The following RSBN1L variants were observed in gnomAD, a reference collection of about 807,000 sequenced individuals.
RSBN1L encodes lysine-specific demethylase RSBN1L.
RSBN1L carries 30 observed loss-of-function variants against 67.7 expected under a neutral mutation model. The ratio of observed to expected loss-of-function variants is 0.44; its 90% confidence interval spans 0.33 to 0.60. The LOEUF (loss-of-function observed/expected upper bound fraction) is 0.60. RSBN1L is among the 20% of genes least tolerant of loss of function. The pLI, the probability that RSBN1L is intolerant of heterozygous loss-of-function variation, is 0.02. For missense variants in RSBN1L, 992 were observed against 1,031.7 expected, an observed-to-expected ratio of 0.96 and a Z score of 0.53; for synonymous variants, 433 against 387.0, an observed-to-expected ratio of 1.12 and a Z score of -1.39.
Position 77,696,875 on chromosome 7 carries a change from C to A in RSBN1L, c.406C>A (p.His136Asn). The A allele has an allele frequency of 6.2e-7, 1 of 1,610,260 alleles. No individual in the cohort carries two copies. Among genetic ancestry groups the A allele is most frequent in the South Asian group, 1.1e-5 (1 of 91,064 alleles). The part of the protein sequence containing the change: ...RKLLVPPTLL[H>N]AQPHHLLLPA... The stretch of plus-strand genomic sequence containing the variant: ...ACTGCTGGTCCCTCCTACGCTGCTG[C>A]ACGCTCAGCCTCACCATCTCCTCCT... Residue 136 changes from histidine (H) to asparagine (N), a missense_variant, in exon 1 of 8, where the codon CAC becomes AAC. Physicochemically the swap from His to Asn is moderately conservative, Grantham distance 68. Around this residue, in one of 7 missense-constraint regions of RSBN1L, gnomAD observed 575 missense variants for 483.2 expected, o/e 1.19. Coordinates refer to ENST00000334955, the MANE Select transcript of RSBN1L (RefSeq NM_198467.3).
chr7:77,705,576 A>G (rs1470257212), intron 1 of RSBN1L, among the ~76,000 whole-genome samples: 1 of 138,010 alleles, frequency 7.2e-6, no homozygotes, highest in Non-Finnish European at 1.5e-5. Flanking sequence ...CAGTGGCTCA[A>G]TCTCGGCTCA....
intron 2 of RSBN1L, among the ~76,000 whole-genome samples, chr7:77,741,377 T>C (rs1791408325): frequency 6.6e-6 from 1 of 152,014 alleles, no homozygotes; most frequent in Non-Finnish European, 1.5e-5. Context: ...GTCAGGATCC[T>C]TTATTGGGTT....
chr7:77,714,171 G>T (rs902114619), intron 1 of RSBN1L, among the ~76,000 whole-genome samples: 2 of 152,110 alleles, frequency 1.3e-5, no homozygotes, highest in African/African-American at 4.8e-5. Flanking sequence ...GATATCTATA[G>T]GGCAAAAATC....
At position 77,779,185 on chromosome 7, in the gene RSBN1L, T is replaced by C; in HGVS notation, c.*17T>C. 4 of 1,528,586 alleles carry C rather than the reference T, an allele frequency of 2.6e-6. No homozygotes were observed. Among genetic ancestry groups the C allele is most frequent in the South Asian group, 2.5e-5 (2 of 78,870 alleles). The allele number at this position is 1,528,586 out of a possible 1,614,324, so 94.7% of individuals were successfully genotyped here. On this transcript the variant is annotated 3_prime_UTR_variant, in exon 8 of 8. Coordinates refer to ENST00000334955, the MANE Select transcript of RSBN1L (RefSeq NM_198467.3). ...TTGTGCTAAATTTGCATATACCATC[T>C]AAAATCCTTTTTTAAAAAAATTTAA...
Position 77,779,262 on chromosome 7 carries a change from T to C in RSBN1L, c.*94T>C. On this transcript the variant is annotated 3_prime_UTR_variant, in exon 8 of 8. Transcript: ENST00000334955. ...AGCAAGCCAAGGACTTGCTCCTATG[T>C]CTGTTACAAAACATAGTTTATGTAG... is the stretch of plus-strand genomic sequence containing the variant. 1.2e-6 allele frequency: 1 copy of C among 857,672 alleles called. No homozygotes were observed. The allele number at this position is 857,672 out of a possible 1,614,324, so 53.1% of individuals were successfully genotyped here.
chr7:77,698,162 A>G (rs1376346789), intron 1 of RSBN1L, among the ~76,000 whole-genome samples: 2 of 152,250 alleles, frequency 1.3e-5, no homozygotes, highest in Non-Finnish European at 2.9e-5. Context: ...CTGCATGTGC[A>G]TGTAGCAATA....
At chr7:77,767,514 C>T (rs866208044) in intron 4 of RSBN1L, among the ~76,000 whole-genome samples, 6 of 151,848 alleles carry the variant, frequency 4.0e-5, no homozygotes, top group Middle Eastern at 3.4e-3. Context: ...GCTGGGATTA[C>T]AGACACACAC....
At chr7:77,724,749 G>A (rs1366677654) in intron 1 of RSBN1L, among the ~76,000 whole-genome samples, 1 of 151,864 alleles carries the variant, frequency 6.6e-6, no homozygotes. Flanking sequence ...TATTGTAGAA[G>A]TTTCAAATAA....
chr7:77,774,955 A>T (rs1009498504), intron 6 of RSBN1L, among the ~76,000 whole-genome samples: 2 of 151,964 alleles, frequency 1.3e-5, no homozygotes, highest in African/African-American at 4.8e-5. Context: ...TTGACCACCC[A>T]TCTTCAAGCA....
At chr7:77,700,937 G>A (rs574981698) in intron 1 of RSBN1L, among the ~76,000 whole-genome samples, 1 of 151,848 alleles carries the variant, frequency 6.6e-6, no homozygotes, top group South Asian at 2.1e-4. Flanking sequence ...CTGGCGAATC[G>A]CCTGAGCTCA....
rs1791413756 is a variant in RSBN1L, at chr7:77,741,758, A to T, written c.703+5232A>T. Among the ~76,000 whole-genome samples the T allele has an allele frequency of 2.0e-5, 3 of 152,030 alleles. No individual in the cohort carries two copies. The South Asian group carries it at 6.2e-4, about 32-fold the overall frequency. On this transcript the variant is annotated intron_variant, in intron 2 of 7. Transcript: ENST00000334955. ...GTGGACTTTAAATACTCTTTAGTGTAGGAGAAGCAAATTGGTATTTAAAAT... is the reference window on the plus strand; with the variant it reads ...GTGGACTTTAAATACTCTTTAGTGTTGGAGAAGCAAATTGGTATTTAAAAT...
At position 77,781,254 on chromosome 7, in the gene RSBN1L, G is replaced by C. The variant is rs1161072417; in HGVS notation, c.*2086G>C. On this transcript the variant is annotated 3_prime_UTR_variant, in exon 8 of 8. Coordinates refer to ENST00000334955, the MANE Select transcript of RSBN1L (RefSeq NM_198467.3). Reference sequence around the variant, plus strand: ...TAGGAAGTTTCATGGGATAGGGAAGGTATAAATCAAGATAGTAAGGGTTTT... The same window carrying C: ...TAGGAAGTTTCATGGGATAGGGAAGCTATAAATCAAGATAGTAAGGGTTTT... 1 of 152,178 alleles carries C rather than the reference G, an allele frequency of 6.6e-6. No individual in the cohort carries two copies. The highest frequency in any genetic ancestry group is 1.9e-4 in the East Asian group (1 of 5,200). The allele number at this position is 152,178 out of a possible 1,614,324, so 9.4% of individuals were successfully genotyped here. A position where few individuals can be genotyped will look rare whatever the true frequency, so the allele number is the denominator to read the frequency against.
intron 2 of RSBN1L, among the ~76,000 whole-genome samples, chr7:77,745,999 G>A (rs1791479027): frequency 6.6e-6 from 1 of 152,150 alleles, no homozygotes; most frequent in African/African-American, 2.4e-5. Context: ...TGAGCAATGG[G>A]GAATGGCTGT....
intron 1 of RSBN1L, among the ~76,000 whole-genome samples, chr7:77,724,492 C>T (rs1791167717): frequency 6.7e-6 from 1 of 148,160 alleles, no homozygotes; most frequent in Non-Finnish European, 1.5e-5. Flanking sequence ...CTGGTGCGCT[C>T]TTGGTTCACT....
chr7:77,758,221 C>T (rs913195251), intron 3 of RSBN1L, among the ~76,000 whole-genome samples: 1 of 151,914 alleles, frequency 6.6e-6, no homozygotes, highest in Admixed American at 6.5e-5. Flanking sequence ...TGCAGTGGTG[C>T]GATCTCGGCT....
chr7:77,767,473 A>G (rs1791784485), intron 4 of RSBN1L, among the ~76,000 whole-genome samples: 1 of 151,544 alleles, frequency 6.6e-6, no homozygotes, highest in South Asian at 2.1e-4. Context: ...TCTCAGGTTC[A>G]AGCAATTCTC....
rs748222215 is a variant in RSBN1L, at chr7:77,768,756, A to G, written c.1578A>G (p.Gln526=). Residue 526 remains glutamine, a synonymous_variant, in exon 5 of 8, where the codon CAA becomes CAG. Transcript: ENST00000334955. ...TCATGTGGGTTCGTCCAGGAGAACA[A>G]ATGATCCCTGTGGCTGATATGCCAA... ...GPIMWVRPGE[Q]MIPVADMPKS... The G allele has an allele frequency of 6.2e-7, 1 of 1,614,124 alleles. No individual in the cohort carries two copies. Among genetic ancestry groups the G allele is most frequent in the Non-Finnish European group, 8.5e-7 (1 of 1,179,988 alleles).
chr7:77,745,420 G>A (rs1438918439), intron 2 of RSBN1L, among the ~76,000 whole-genome samples: 1 of 152,164 alleles, frequency 6.6e-6, no homozygotes, highest in African/African-American at 2.4e-5. Flanking sequence ...GATGGAAAAG[G>A]AGGTATCATT....
chr7:77,705,002 T>C lies in RSBN1L; in HGVS notation c.586+7947T>C, dbSNP rs563129523. Among the ~76,000 whole-genome samples, 152 of 151,132 alleles carry C rather than the reference T, an allele frequency of 1.0e-3. No individual in the cohort carries two copies. In the Middle Eastern group the frequency reaches 0.028, roughly 27 times the overall value. On this transcript the variant is annotated intron_variant, in intron 1 of 7. Coordinates refer to ENST00000334955, the MANE Select transcript of RSBN1L (RefSeq NM_198467.3). ...CAAAAAAAAAAAAGTTGTGTGTGTGTGTGTAAATGTATAAATATAAGAGTG... is the reference window on the plus strand; with the variant it reads ...CAAAAAAAAAAAAGTTGTGTGTGTGCGTGTAAATGTATAAATATAAGAGTG...
Sources: gnomAD v4.1 joint callset for allele counts (sites outside exome capture counted in the v4.1 genomes callset) on GRCh38, gnomAD v4.1.1 for gene constraint, gnomAD v4.1.1 regional missense constraint, MANE v1.5 for transcripts, NCBI Gene and HGNC (gene_info 2026-07-23, HGNC 2026-07-21) for gene names.